Variants in DACH1 observed in about 807,000 individuals in gnomAD.
The protein encoded by DACH1 is dachshund homolog 1.
In DACH1, 12 loss-of-function variants were observed where a neutral mutation model predicts 54.2. That is an observed-to-expected ratio of 0.22 (90% CI 0.14 to 0.36). DACH1 has a LOEUF of 0.36. Ranked by LOEUF, DACH1 falls within the 10% of genes least tolerant of loss-of-function variation. DACH1 has a pLI of 1.00. For missense variants in DACH1, 805 were observed against 929.8 expected, an observed-to-expected ratio of 0.87 and a Z score of 1.75; for synonymous variants, 386 against 366.2, an observed-to-expected ratio of 1.05 and a Z score of -0.62.
intron 1 of DACH1, among the ~76,000 whole-genome samples, chr13:71,691,785 C>G (rs1321155714): frequency 6.6e-6 from 1 of 152,106 alleles, no homozygotes; most frequent in East Asian, 1.9e-4. Context: ...AATACTATAC[C>G]TTCCCTCAAG....
chr13:71,783,847 T>G (rs1348624461), intron 1 of DACH1, among the ~76,000 whole-genome samples: 3 of 151,762 alleles, frequency 2.0e-5, no homozygotes, highest in Non-Finnish European at 4.4e-5. Flanking sequence ...AAGGTTTTTT[T>G]TTTGTTTCCT....
chr13:71,492,872 T>C (rs1227209993), intron 6 of DACH1, among the ~76,000 whole-genome samples: 2 of 152,026 alleles, frequency 1.3e-5, no homozygotes, highest in Admixed American at 6.6e-5. Flanking sequence ...GACACACTCT[T>C]ACATAAACAC....
At chr13:71,638,514 T>C (rs992440863) in intron 2 of DACH1, among the ~76,000 whole-genome samples, 1 of 152,212 alleles carries the variant, frequency 6.6e-6, no homozygotes, top group Non-Finnish European at 1.5e-5. Flanking sequence ...ATCATGGCAG[T>C]ATTTGAACAA....
intron 4 of DACH1, 126 bp downstream of exon 4, chr13:71,572,714 T>C: frequency 9.7e-7 from 1 of 1,028,632 alleles, no homozygotes; most frequent in Non-Finnish European, 1.4e-6. Flanking sequence ...GTGATTTTTT[T>C]TAATAGTCTA....
intron 2 of DACH1, among the ~76,000 whole-genome samples, chr13:71,631,778 AG>A (rs1284305425): frequency 1.3e-5 from 2 of 152,136 alleles, no homozygotes; most frequent in African/African-American, 4.8e-5. Flanking sequence ...TCCAGAGAAC[AG>A]GGGGTAGAGG....
chr13:71,797,187 T>C (rs1000814637), intron 1 of DACH1, among the ~76,000 whole-genome samples: 17 of 152,134 alleles, frequency 1.1e-4, no homozygotes, highest in Non-Finnish European at 2.9e-5. Context: ...TTACCTTGTG[T>C]TGATTCAAAG....
At chr13:71,864,938 TAAGAA>T (rs1377670760) in intron 1 of DACH1, among the ~76,000 whole-genome samples, 1 of 151,968 alleles carries the variant, frequency 6.6e-6, no homozygotes, top group African/African-American at 2.4e-5. Flanking sequence ...TACTAACCTT[TAAGAA>T]AAGAAAAGAG....
At chr13:71,641,015 C>T (rs1877857522) in intron 2 of DACH1, among the ~76,000 whole-genome samples, 1 of 151,620 alleles carries the variant, frequency 6.6e-6, no homozygotes, top group African/African-American at 2.4e-5. Flanking sequence ...CCAAGTACCA[C>T]ATGGGGTCTG....
At chr13:71,779,247 GTA>G (rs1555322062) in intron 1 of DACH1, among the ~76,000 whole-genome samples, 1 of 121,412 alleles carries the variant, frequency 8.2e-6, no homozygotes, top group South Asian at 2.6e-4. Flanking sequence ...ACATATATAC[GTA>G]TATACGTATA....
chr13:71,571,811 A>G (rs145403927), intron 4 of DACH1, among the ~76,000 whole-genome samples: 8,324 of 150,698 alleles, frequency 0.055, 755 homozygotes, highest in African/African-American at 0.19. Flanking sequence ...TCTCAGCTCA[A>G]TGCAAGCTCC....
At chr13:71,660,227 G>A (rs766795773) in intron 2 of DACH1, among the ~76,000 whole-genome samples, 4 of 152,074 alleles carry the variant, frequency 2.6e-5, no homozygotes, top group Admixed American at 6.6e-5. Context: ...TTTCCTGTTT[G>A]ATAATTTGCT....
chr13:71,446,509 T>G (rs2138105031), intron 10 of DACH1, among the ~76,000 whole-genome samples: 1 of 152,288 alleles, frequency 6.6e-6, no homozygotes, highest in Admixed American at 6.5e-5. Context: ...CTCTTACAAA[T>G]AAGGCTATTA....
Position 71,438,636 on chromosome 13 carries a change from C to T in DACH1, c.*2019G>A, listed in dbSNP as rs1457520946. On this transcript the variant is annotated 3_prime_UTR_variant, in exon 11 of 11. Transcript: ENST00000613252. ...CTCTATGCCAGGAGCAGAGCAATGG[C>T]TGATTCTACTACATATGTAAGTTGT... The T allele has an allele frequency of 1.3e-5, 2 of 152,340 alleles. No homozygotes were observed. The highest frequency in any genetic ancestry group is 4.1e-4 in the South Asian group (2 of 4,822). The allele number at this position is 152,340 out of a possible 1,614,324, so 9.4% of individuals were successfully genotyped here.
intron 2 of DACH1, among the ~76,000 whole-genome samples, chr13:71,666,342 G>A (rs1235169244): frequency 6.6e-6 from 1 of 152,044 alleles, no homozygotes; most frequent in South Asian, 2.1e-4. Context: ...GCAATTATTT[G>A]GAAGCAAATT....
At chr13:71,826,460 T>C (rs147266274) in intron 1 of DACH1, among the ~76,000 whole-genome samples, 1 of 152,096 alleles carries the variant, frequency 6.6e-6, no homozygotes, top group East Asian at 1.9e-4. Context: ...GGCCAGCTGG[T>C]ACCTTCTCCC....
At chr13:71,564,176 C>A (rs1044717769) in intron 4 of DACH1, among the ~76,000 whole-genome samples, 4 of 151,804 alleles carry the variant, frequency 2.6e-5, no homozygotes, top group African/African-American at 9.7e-5. Context: ...ATAATTATTA[C>A]TGAAACAAAA....
chr13:71,663,341 T>C (rs2138657662), intron 2 of DACH1, among the ~76,000 whole-genome samples: 1 of 151,964 alleles, frequency 6.6e-6, no homozygotes, highest in Non-Finnish European at 1.5e-5. Context: ...AACAACTTTG[T>C]CATTTTAAAT....
intron 6 of DACH1, among the ~76,000 whole-genome samples, chr13:71,503,796 T>G (rs945632462): frequency 6.6e-6 from 1 of 152,212 alleles, no homozygotes; most frequent in Non-Finnish European, 1.5e-5. Flanking sequence ...TGACAGAAGG[T>G]TAAATTAAGT....
chr13:71,623,650 T>G (rs1002149113), intron 3 of DACH1, among the ~76,000 whole-genome samples: 2 of 151,800 alleles, frequency 1.3e-5, no homozygotes, highest in African/African-American at 4.8e-5. Flanking sequence ...TTGCCCTTTA[T>G]CTTTTATTGA....
Sources: gnomAD v4.1 joint callset for allele counts (sites outside exome capture counted in the v4.1 genomes callset) on GRCh38, gnomAD v4.1.1 for gene constraint, MANE v1.5 for transcripts, NCBI Gene and HGNC (gene_info 2026-07-23, HGNC 2026-07-21) for gene names.